STK39: variants seen among roughly 807,000 people sequenced by gnomAD.
STK39 encodes serine/threonine kinase 39.
Under a neutral mutation model 77.8 loss-of-function variants are expected in STK39, and 20 were observed. The ratio of observed to expected loss-of-function variants is 0.26; its 90% CI spans 0.18 to 0.37. The LOEUF is 0.37. STK39 is among the 10% of genes least tolerant of loss of function. The pLI is 1.00. For synonymous variants in STK39, 246 were observed against 234.1 expected, an observed-to-expected ratio of 1.05 and a Z score of -0.47; for missense variants, 479 against 656.5, an observed-to-expected ratio of 0.73 and a Z score of 2.95.
At position 168,129,582 on chromosome 2, in the gene STK39, G is replaced by A; in HGVS notation, c.1048C>T (p.Leu350=). ...AKNREYLIEK[L]LTRTPDIAQR... ...GCTATGTCTGGTGTTCTTGTAAGCA[G>A]CTTCTCAATCAGGTACTCTCTGTTC... The change falls in exon 10 of 18, where the codon CTG becomes TTG. Residue 350 remains leucine (L), a synonymous_variant. Transcript: ENST00000355999. The A allele has an allele frequency of 6.2e-7, 1 of 1,614,036 alleles. No homozygotes were observed. The highest frequency in any genetic ancestry group is 1.1e-5 in the South Asian group (1 of 91,068).
intron 2 of STK39, 136 bp from the exon 3 acceptor site, chr2:168,167,543 C>A (rs374738097): frequency 1.5e-6 from 1 of 679,182 alleles, no homozygotes; most frequent in Non-Finnish European, 2.5e-6. Flanking sequence ...GCCATTACTT[C>A]AAAGAAGGTA....
intron 10 of STK39, among the ~76,000 whole-genome samples, chr2:168,080,381 G>A (rs904250341): frequency 6.6e-6 from 1 of 152,182 alleles, no homozygotes; most frequent in Admixed American, 6.5e-5. Flanking sequence ...TGTAATCCCA[G>A]CACTTTGGGA....
intron 14 of STK39, among the ~76,000 whole-genome samples, chr2:168,032,202 C>T (rs755602050): frequency 1.3e-5 from 2 of 152,168 alleles, no homozygotes; most frequent in African/African-American, 4.8e-5. Flanking sequence ...AATATGTAAT[C>T]GTATTTCAAA....
chr2:168,053,600 G>T (rs1472732318), intron 14 of STK39, among the ~76,000 whole-genome samples: 1 of 152,072 alleles, frequency 6.6e-6, no homozygotes, highest in African/African-American at 2.4e-5. Context: ...GAAAGTATTT[G>T]TACTCACAAT....
intron 1 of STK39, among the ~76,000 whole-genome samples, chr2:168,222,328 T>C (rs1690193990): frequency 6.6e-6 from 1 of 152,206 alleles, no homozygotes; most frequent in Admixed American, 6.5e-5. Context: ...TCTGGAGAGA[T>C]GACAGGCCAT....
At chr2:168,114,651 G>C (rs565455274) in intron 10 of STK39, among the ~76,000 whole-genome samples, 2 of 152,198 alleles carry the variant, frequency 1.3e-5, no homozygotes, top group East Asian at 1.9e-4. Context: ...AGAAAAATAG[G>C]GTTCTCAACT....
chr2:167,981,755 G>A (rs748783798), intron 16 of STK39, among the ~76,000 whole-genome samples: 4 of 152,142 alleles, frequency 2.6e-5, no homozygotes, highest in Non-Finnish European at 4.4e-5. Context: ...CTGTGCAAAG[G>A]TCTCATTTTA....
At chr2:168,197,166 G>A (rs1689492070) in intron 1 of STK39, among the ~76,000 whole-genome samples, 1 of 152,168 alleles carries the variant, frequency 6.6e-6, no homozygotes, top group Non-Finnish European at 1.5e-5. Context: ...TGCTAGGGTA[G>A]ACAAAGTAGA....
At chr2:168,188,991 C>T (rs1450973511) in intron 1 of STK39, among the ~76,000 whole-genome samples, 4 of 152,176 alleles carry the variant, frequency 2.6e-5, no homozygotes, top group African/African-American at 9.7e-5. Flanking sequence ...TGGCTTGTGT[C>T]ACCACCAAGC....
At chr2:167,982,103 T>C (rs988134435) in intron 16 of STK39, among the ~76,000 whole-genome samples, 2 of 152,218 alleles carry the variant, frequency 1.3e-5, no homozygotes, top group Admixed American at 6.5e-5. Flanking sequence ...GTATAGAAAG[T>C]CTGACCAGTC....
At chr2:168,141,482 C>A (rs973654921) in intron 5 of STK39, among the ~76,000 whole-genome samples, 2 of 152,142 alleles carry the variant, frequency 1.3e-5, no homozygotes, top group Admixed American at 6.5e-5. Context: ...TATATACATA[C>A]AGGCACATGT....
Position 168,032,694 on chromosome 2 carries a change from G to T in STK39, c.1377-15599C>A, listed in dbSNP as rs113239431. 8.1e-3 allele frequency among the ~76,000 whole-genome samples: 1,236 copies of T among 152,292 alleles called. 15 individuals carry two copies. Among genetic ancestry groups the T allele is most frequent in the African/African-American group, 0.027 (1,133 of 41,542 alleles). ...GCCTCTTCACAGTAAAGTGACAGACGTGCTTTTCAGAAAGGAGGTACAAAA... is the reference window on the plus strand; with the variant it reads ...GCCTCTTCACAGTAAAGTGACAGACTTGCTTTTCAGAAAGGAGGTACAAAA... On this transcript the variant is annotated intron_variant, in intron 14 of 17. Coordinates refer to ENST00000355999, the MANE Select transcript of STK39 (RefSeq NM_013233.3).
At chr2:167,990,903 C>G (rs1338286838) in intron 16 of STK39, among the ~76,000 whole-genome samples, 1 of 152,120 alleles carries the variant, frequency 6.6e-6, no homozygotes, top group African/African-American at 2.4e-5. Flanking sequence ...CCACATTTCC[C>G]CAAAATTACA....
chr2:167,995,039 C>T (rs56301904), intron 16 of STK39, among the ~76,000 whole-genome samples: 52,482 of 151,290 alleles, frequency 0.35, 9,765 homozygotes, highest in Non-Finnish European at 0.41. Flanking sequence ...CAGTATTTTA[C>T]ACTTTTCTAT....
chr2:168,243,786 C>T (rs895505825), intron 1 of STK39, among the ~76,000 whole-genome samples: 5 of 152,186 alleles, frequency 3.3e-5, no homozygotes, highest in African/African-American at 1.2e-4. Context: ...CTTTCATTCC[C>T]TGTTTAGCAA....
rs1325486062 is a variant in STK39 at position 168,236,059 on chromosome 2, A to C, written c.208+11169T>G. ...ACTTCCACAATGGTTGAACTAGTTTACAGTCCCACCAACAGTGTAAAAGTG... is the reference window on the plus strand; with the variant it reads ...ACTTCCACAATGGTTGAACTAGTTTCCAGTCCCACCAACAGTGTAAAAGTG... On this transcript the variant is annotated intron_variant, in intron 1 of 17. Transcript: ENST00000355999. 9.2e-5 allele frequency among the ~76,000 whole-genome samples: 14 copies of C among 151,962 alleles called. No homozygotes were observed. In the South Asian group the frequency reaches 2.3e-3, roughly 25 times the overall value.
chr2:168,193,815 C>G (rs192286763), intron 1 of STK39, among the ~76,000 whole-genome samples: 1 of 152,334 alleles, frequency 6.6e-6, no homozygotes, highest in Non-Finnish European at 1.5e-5. Context: ...ATTTCTCAAG[C>G]TCCCAGGTGA....
chr2:168,145,405 G>A (rs547244849), intron 5 of STK39, among the ~76,000 whole-genome samples: 71 of 152,212 alleles, frequency 4.7e-4, no homozygotes, highest in African/African-American at 1.5e-3. Context: ...GGAGCCCACT[G>A]TCAGCACCCT....
intron 1 of STK39, among the ~76,000 whole-genome samples, chr2:168,225,489 C>G (rs1199984157): frequency 6.6e-6 from 1 of 152,080 alleles, no homozygotes; most frequent in South Asian, 2.1e-4. Context: ...TTAAATCCAG[C>G]AGAAAAGGCA....
Sources: allele counts gnomAD v4.1 joint callset (sites outside exome capture counted in the v4.1 genomes callset), GRCh38; gene constraint gnomAD v4.1.1; transcripts MANE v1.5; gene names NCBI Gene and HGNC (gene_info 2026-07-23, HGNC 2026-07-21).